The following MPPED2 variants were observed in gnomAD, a reference collection of about 807,000 sequenced individuals.
MPPED2 encodes the protein metallophosphoesterase domain containing 2.
In MPPED2, 5 loss-of-function variants were observed where a neutral mutation model predicts 33.0. The ratio of observed to expected loss-of-function variants is 0.15; its 90% CI spans 0.08 to 0.32. The LOEUF (loss-of-function observed/expected upper bound fraction) is 0.32. Among genes scored for constraint, MPPED2 ranks in the 10% least tolerant of loss-of-function variants. The pLI is 1.00. For synonymous variants in MPPED2, 136 were observed against 141.9 expected, an observed-to-expected ratio of 0.96 and a Z score of 0.29; for missense variants, 275 against 372.1, an observed-to-expected ratio of 0.74 and a Z score of 2.15.
chr11:30,386,868 A>G (rs531519470), exon 7 of MPPED2: 7 of 397,988 alleles, frequency 1.8e-5, no homozygotes, highest in Admixed American at 8.8e-5. Context: ...AGTAGTAGTA[A>G]TAATAATAGC....
chr11:30,442,265 A>G (rs1489823982), intron 4 of MPPED2, among the ~76,000 whole-genome samples: 2 of 152,084 alleles, frequency 1.3e-5, no homozygotes, highest in African/African-American at 4.8e-5. Context: ...GAACAGAGAA[A>G]TAGAGCCCAA....
intron 4 of MPPED2, among the ~76,000 whole-genome samples, chr11:30,475,366 C>T (rs1951138212): frequency 6.6e-6 from 1 of 152,090 alleles, no homozygotes; most frequent in Non-Finnish European, 1.5e-5. Flanking sequence ...TATATACATA[C>T]TATAATGAAG....
At chr11:30,536,893 C>G (rs999760854) in intron 2 of MPPED2, among the ~76,000 whole-genome samples, 4 of 152,060 alleles carry the variant, frequency 2.6e-5, no homozygotes, top group Non-Finnish European at 5.9e-5. Context: ...CAGGAATGCT[C>G]AAATGCCTTG....
chr11:30,522,355 T>C lies in MPPED2; in HGVS notation c.310+13639A>G, dbSNP rs552328865. 4.0e-5 allele frequency among the ~76,000 whole-genome samples: 6 copies of C among 151,576 alleles called. 1 individual carries two copies. The East Asian group carries it at 1.2e-3, about 29-fold the overall frequency. ...ATTTAGGGTAAAGGGGCATGATGTC[T>C]ATGACTTAAACTCAAATGCTTCAGG... On this transcript the variant is annotated intron_variant, in intron 3 of 6. Transcript: ENST00000358117.
chr11:30,578,579 G>GAT (rs1260023677), intron 2 of MPPED2, among the ~76,000 whole-genome samples: 2 of 152,200 alleles, frequency 1.3e-5, no homozygotes, highest in African/African-American at 4.8e-5. Flanking sequence ...CAAGTGAGCA[G>GAT]ATGTCTGCAG....
intron 2 of MPPED2, among the ~76,000 whole-genome samples, chr11:30,579,420 T>C (rs1026977878): frequency 1.3e-5 from 2 of 152,124 alleles, no homozygotes; most frequent in Non-Finnish European, 2.9e-5. Context: ...AAGGGTCTCA[T>C]AGAGAATGAG....
At chr11:30,468,612 A>T in intron 4 of MPPED2, among the ~76,000 whole-genome samples, 1 of 152,210 alleles carries the variant, frequency 6.6e-6, no homozygotes, top group East Asian at 1.9e-4. Flanking sequence ...GAGAGAAAAG[A>T]AAGAAAAGAT....
At chr11:30,575,091 C>A (rs1445641485) in intron 2 of MPPED2, among the ~76,000 whole-genome samples, 1 of 152,084 alleles carries the variant, frequency 6.6e-6, no homozygotes, top group Non-Finnish European at 1.5e-5. Flanking sequence ...AGAATGAAAT[C>A]TCAGATCAGA....
At chr11:30,417,258 A>G (rs1948407820) in intron 5 of MPPED2, among the ~76,000 whole-genome samples, 1 of 152,178 alleles carries the variant, frequency 6.6e-6, no homozygotes, top group Non-Finnish European at 1.5e-5. Context: ...TCAAGCTCAG[A>G]AGACTGTGGC....
chr11:30,500,276 T>C (rs1952495523), intron 3 of MPPED2, among the ~76,000 whole-genome samples: 1 of 152,164 alleles, frequency 6.6e-6, no homozygotes, highest in Non-Finnish European at 1.5e-5. Context: ...CTCCAAGTTC[T>C]CCTCCTCCCT....
At chr11:30,506,665 GA>G (rs1181082148) in intron 3 of MPPED2, among the ~76,000 whole-genome samples, 6 of 152,150 alleles carry the variant, frequency 3.9e-5, no homozygotes, top group Non-Finnish European at 8.8e-5. Flanking sequence ...GTATGGTGAT[GA>G]TCAAATTAAA....
At chr11:30,519,895 C>A (rs559548857) in intron 3 of MPPED2, among the ~76,000 whole-genome samples, 1 of 152,078 alleles carries the variant, frequency 6.6e-6, no homozygotes, top group African/African-American at 2.4e-5. Flanking sequence ...GAGTCTCAAA[C>A]GACTAGGGAA....
intron 3 of MPPED2, among the ~76,000 whole-genome samples, chr11:30,532,257 T>C (rs1954569959): frequency 6.6e-6 from 1 of 152,142 alleles, no homozygotes; most frequent in Non-Finnish European, 1.5e-5. Context: ...CCGTGGACAA[T>C]TCATTAAATC....
At chr11:30,429,541 C>T (rs1948988196) in intron 4 of MPPED2, among the ~76,000 whole-genome samples, 1 of 152,216 alleles carries the variant, frequency 6.6e-6, no homozygotes, top group South Asian at 2.1e-4. Flanking sequence ...AGCAAGCACA[C>T]AGACCCGGTG....
At chr11:30,545,663 T>C (rs908426145) in intron 2 of MPPED2, among the ~76,000 whole-genome samples, 5 of 152,138 alleles carry the variant, frequency 3.3e-5, no homozygotes, top group African/African-American at 1.2e-4. Context: ...TTTTCCCATT[T>C]GGCACACAAA....
chr11:30,536,232 G>A lies in MPPED2; in HGVS notation c.129-57C>T, dbSNP rs559661443. The A allele has an allele frequency of 2.9e-6, 4 of 1,382,778 alleles. No individual in the cohort carries two copies. In the South Asian group the frequency reaches 7.3e-5, roughly 25 times the overall value. The allele number at this position is 1,382,778 out of a possible 1,614,324, so 85.7% of individuals were successfully genotyped here. ...TAAACATATTAGAACCCTTGAAATT[G>A]TCGTCGCACATACATATTTATTATT... On this transcript the variant is annotated intron_variant, in intron 2 of 6. Transcript: ENST00000358117.
intron 4 of MPPED2, among the ~76,000 whole-genome samples, chr11:30,470,733 G>A (rs1472545553): frequency 6.6e-6 from 1 of 151,844 alleles, no homozygotes; most frequent in Non-Finnish European, 1.5e-5. Flanking sequence ...CCCAGCTAAG[G>A]GCCTGGTGGC....
chr11:30,391,003 C>A (rs1947766364), intron 6 of MPPED2, among the ~76,000 whole-genome samples: 1 of 152,130 alleles, frequency 6.6e-6, no homozygotes, highest in Non-Finnish European at 1.5e-5. Flanking sequence ...GACTCTAGTC[C>A]CTGACAGGAG....
Position 30,411,236 on chromosome 11 carries a change from T to C in MPPED2, c.*232A>G. 10 of 1,158,292 alleles carry C rather than the reference T, an allele frequency of 8.6e-6. No homozygotes were observed. The highest frequency in any genetic ancestry group is 1.1e-5 in the Non-Finnish European group (10 of 938,348). 71.8% of individuals were successfully genotyped at this position (1,158,292 alleles called of 1,614,324 possible). On this transcript the variant is annotated 3_prime_UTR_variant, in exon 7 of 7. Transcript: ENST00000358117. The stretch of plus-strand genomic sequence containing the variant: ...ACTAACAATTTACAATGGCATGGCC[T>C]TTGAGAAAACAGAAGTCATTTTACA...
Sources: allele counts gnomAD v4.1 joint callset (sites outside exome capture counted in the v4.1 genomes callset), GRCh38; gene constraint gnomAD v4.1.1; transcripts MANE v1.5; gene names NCBI Gene and HGNC (gene_info 2026-07-23, HGNC 2026-07-21).